The following VKORC1L1 variants were observed in gnomAD, a reference collection of about 807,000 sequenced individuals.
VKORC1L1 encodes vitamin K epoxide reductase complex subunit 1-like protein 1.
In VKORC1L1, 2 loss-of-function variants were observed where a neutral mutation model predicts 18.9. That is an observed-to-expected ratio of 0.11 (90% CI 0.04 to 0.33). VKORC1L1 has a LOEUF of 0.33. Ranked by LOEUF, VKORC1L1 falls within the 10% of genes least tolerant of loss-of-function variation. The pLI is 1.00. For missense variants in VKORC1L1, 123 were observed against 224.1 expected, an observed-to-expected ratio of 0.55 and a Z score of 2.88; for synonymous variants, 96 against 100.0, an observed-to-expected ratio of 0.96 and a Z score of 0.24.
At chr7:65,945,029 G>A (rs1790095225) in intron 1 of VKORC1L1, among the ~76,000 whole-genome samples, 2 of 152,104 alleles carry the variant, frequency 1.3e-5, no homozygotes, top group Admixed American at 6.6e-5. Flanking sequence ...GGGAGGCCAA[G>A]GCGTACGGAT....
intron 1 of VKORC1L1, among the ~76,000 whole-genome samples, chr7:65,900,350 A>G (rs1386435373): frequency 1.3e-5 from 2 of 151,572 alleles, no homozygotes; most frequent in African/African-American, 4.8e-5. Context: ...AGCTGAGATC[A>G]TGCCACTGCA....
intron 1 of VKORC1L1, among the ~76,000 whole-genome samples, chr7:65,913,333 G>A (rs1396264670): frequency 6.6e-6 from 1 of 151,958 alleles, no homozygotes; most frequent in Non-Finnish European, 1.5e-5. Flanking sequence ...CCTTATGGAA[G>A]GAGATCTGGG....
At chr7:65,921,916 G>A (rs1488088517) in intron 1 of VKORC1L1, among the ~76,000 whole-genome samples, 1 of 151,956 alleles carries the variant, frequency 6.6e-6, no homozygotes, top group Non-Finnish European at 1.5e-5. Context: ...TCAAACTCCT[G>A]GCCTCGGGGA....
chr7:65,930,506 A>C (rs1189844589), intron 1 of VKORC1L1, among the ~76,000 whole-genome samples: 1 of 152,200 alleles, frequency 6.6e-6, no homozygotes, highest in African/African-American at 2.4e-5. Flanking sequence ...TTGATCAAGC[A>C]TTGGCTGTTT....
At chr7:65,897,312 T>A (rs1789230754) in intron 1 of VKORC1L1, among the ~76,000 whole-genome samples, 1 of 152,192 alleles carries the variant, frequency 6.6e-6, no homozygotes, top group South Asian at 2.1e-4. Flanking sequence ...AATACCCGAT[T>A]AACATGATTA....
rs1255676646 is a variant in VKORC1L1, at chr7:65,922,190, G to GTCAT, written c.195-26480_195-26479insCATT. 1.3e-4 allele frequency among the ~76,000 whole-genome samples: 20 copies of GTCAT among 151,376 alleles called. No individual in the cohort carries two copies. The East Asian group carries it at 3.7e-3, about 28-fold the overall frequency. ...TCCACAAGACATTTTGTTTGACATAGTATTCATTTAGTCTCCCTCGTATTT... is the reference window on the plus strand; with the variant it reads ...TCCACAAGACATTTTGTTTGACATAGTCATTATTCATTTAGTCTCCCTCGTATTT... On this transcript the variant is annotated intron_variant, in intron 1 of 2. Coordinates refer to ENST00000360768, the MANE Select transcript of VKORC1L1 (RefSeq NM_173517.6).
At chr7:65,885,864 G>A (rs373495903) in intron 1 of VKORC1L1, among the ~76,000 whole-genome samples, 23 of 152,200 alleles carry the variant, frequency 1.5e-4, no homozygotes, top group East Asian at 1.2e-3. Flanking sequence ...TACTGTTTCC[G>A]GTGAATTCTA....
intron 1 of VKORC1L1, among the ~76,000 whole-genome samples, chr7:65,915,496 C>T (rs1028184718): frequency 2.0e-5 from 3 of 151,740 alleles, no homozygotes; most frequent in South Asian, 2.1e-4. Flanking sequence ...CTGCAACCTC[C>T]GCCTCCTGGG....
intron 1 of VKORC1L1, among the ~76,000 whole-genome samples, chr7:65,896,398 T>C (rs1789213019): frequency 6.6e-6 from 1 of 152,312 alleles, no homozygotes; most frequent in Non-Finnish European, 1.5e-5. Context: ...TCATTTTCTG[T>C]TGGAATTGAG....
Position 65,873,495 on chromosome 7 carries a change from C to A in VKORC1L1, c.124C>A (p.Arg42=), listed in dbSNP as rs748267698. 1 of 1,594,036 alleles carries A rather than the reference C, an allele frequency of 6.3e-7. No individual in the cohort carries two copies. The highest frequency in any genetic ancestry group is 8.5e-7 in the Non-Finnish European group (1 of 1,171,640). The change falls in exon 1 of 3, where the codon CGG becomes AGG. Residue 42 remains arginine (R), a synonymous_variant. Transcript: ENST00000360768. ...YAYHVEREKE[R]DPEHRALCDL... ...CTACCACGTGGAGCGGGAGAAGGAG[C>A]GGGACCCCGAGCACCGGGCCCTCTG...
At chr7:65,918,695 A>T (rs1437384738) in intron 1 of VKORC1L1, among the ~76,000 whole-genome samples, 1 of 152,272 alleles carries the variant, frequency 6.6e-6, no homozygotes, top group Non-Finnish European at 1.5e-5. Flanking sequence ...TGGAGATCAA[A>T]TAAGAGGTAA....
chr7:65,932,406 T>C (rs1207619606), intron 1 of VKORC1L1, among the ~76,000 whole-genome samples: 1 of 152,196 alleles, frequency 6.6e-6, no homozygotes, highest in East Asian at 1.9e-4. Context: ...CTGTTCTTTT[T>C]GTCATTTTTT....
chr7:65,914,809 GC>G (rs1478539261), intron 1 of VKORC1L1, among the ~76,000 whole-genome samples: 1 of 152,162 alleles, frequency 6.6e-6, no homozygotes, highest in Admixed American at 6.5e-5. Flanking sequence ...ATTGAGACCA[GC>G]CCGGGTAACA....
Position 65,957,125 on chromosome 7 carries a change from G to T in VKORC1L1, c.*2825G>T, listed in dbSNP as rs1045790093. 6.6e-6 allele frequency: 1 copy of T among 152,130 alleles called. No individual in the cohort carries two copies. The highest frequency in any genetic ancestry group is 2.4e-5 in the African/African-American group (1 of 41,430). 9.4% of individuals were successfully genotyped at this position (152,130 alleles called of 1,614,324 possible). On this transcript the variant is annotated 3_prime_UTR_variant, in exon 3 of 3. Coordinates refer to ENST00000360768, the MANE Select transcript of VKORC1L1 (RefSeq NM_173517.6). ...AGAATCACTGTTCCTTCATACATGT[G>T]TCCTCTCCTTAAATTCATTACTTTC...
intron 1 of VKORC1L1, among the ~76,000 whole-genome samples, chr7:65,947,911 G>A (rs910641823): frequency 3.3e-5 from 5 of 152,060 alleles, no homozygotes; most frequent in Non-Finnish European, 5.9e-5. Flanking sequence ...GCCTGGTCTC[G>A]AACTCTTGAC....
intron 1 of VKORC1L1, among the ~76,000 whole-genome samples, chr7:65,875,341 A>C (rs1041014987): frequency 6.6e-6 from 1 of 152,192 alleles, no homozygotes; most frequent in South Asian, 2.1e-4. Flanking sequence ...ATATATGTAC[A>C]TATATAGACT....
chr7:65,953,615 C>T (rs996201832), intron 2 of VKORC1L1, among the ~76,000 whole-genome samples: 1 of 152,226 alleles, frequency 6.6e-6, no homozygotes, highest in Non-Finnish European at 1.5e-5. Context: ...TGGCATTTGG[C>T]TGGGTATGGT....
chr7:65,940,876 G>C (rs760818500), intron 1 of VKORC1L1, among the ~76,000 whole-genome samples: 1 of 152,052 alleles, frequency 6.6e-6, no homozygotes, highest in Non-Finnish European at 1.5e-5. Context: ...TATTTTCTAC[G>C]GAATTGAGCC....
Position 65,954,112 on chromosome 7 carries a change from A to G in VKORC1L1, c.343A>G (p.Thr115Ala). The G allele has an allele frequency of 6.2e-7, 1 of 1,606,584 alleles. No individual in the cohort carries two copies. Among genetic ancestry groups the G allele is most frequent in the South Asian group, 1.1e-5 (1 of 90,940 alleles). Residue 115 changes from threonine (T) to alanine (A), a missense_variant, in exon 3 of 3, where the codon ACG becomes GCG. Coordinates refer to ENST00000360768, the MANE Select transcript of VKORC1L1 (RefSeq NM_173517.6). ...ASAVAALILM[T>A]SSIMSVVGSL... ...CGCTGTGGCGGCTTTGATCCTCATG[A>G]CGTCCTCCATCATGTCGGTCGTGGG...
Sources: allele counts gnomAD v4.1 joint callset (sites outside exome capture counted in the v4.1 genomes callset), GRCh38; gene constraint gnomAD v4.1.1; transcripts MANE v1.5; gene names NCBI Gene and HGNC (gene_info 2026-07-23, HGNC 2026-07-21).